The following MSI1 variants were observed in gnomAD, a reference collection of about 807,000 sequenced individuals.
MSI1 encodes the protein musashi RNA binding protein 1, also known as RNA-binding protein Musashi homolog 1.
MSI1 carries 15 observed loss-of-function variants against 54.4 expected under a neutral mutation model. The ratio of observed to expected loss-of-function variants is 0.28; its 90% CI spans 0.18 to 0.42. The LOEUF is 0.42. Ranked by LOEUF, MSI1 falls within the 20% of genes least tolerant of loss-of-function variation. MSI1 has a pLI of 1.00. For synonymous variants in MSI1, 200 were observed against 196.5 expected, an observed-to-expected ratio of 1.02 and a Z score of -0.15; for missense variants, 304 against 506.0, an observed-to-expected ratio of 0.60 and a Z score of 3.83.
chr12:120,359,047 C>T lies in MSI1; in HGVS notation c.409G>A (p.Asp137Asn), dbSNP rs1424495218. The stretch of plus-strand genomic sequence containing the variant: ...GTTTTGTCAAACATCAGCATGGCGT[C>T]GTCCACCTGAAACACAGCCCGCCAT... ...QYFEQFGKVD[D>N]AMLMFDKTTN... Residue 137 changes from aspartate to asparagine, a missense_variant, in exon 7 of 15, where the codon GAC (aspartate) becomes AAC (asparagine). Around this residue, in one of 4 missense-constraint regions of MSI1, gnomAD observed 105 missense variants for 230.1 expected, o/e 0.46. Transcript: ENST00000257552. The T allele has an allele frequency of 3.2e-6, 5 of 1,556,980 alleles. No individual in the cohort carries two copies. Among genetic ancestry groups the T allele is most frequent in the African/African-American group, 1.4e-5 (1 of 73,492 alleles).
chr12:120,362,056 C>G (rs565095065), intron 6 of MSI1, among the ~76,000 whole-genome samples: 234 of 152,164 alleles, frequency 1.5e-3, no homozygotes, highest in African/African-American at 5.1e-3. Flanking sequence ...GGCCCGGGCC[C>G]GCCCGACCTG....
Position 120,368,750 on chromosome 12 carries a change from G to T in MSI1, c.100+83C>A. 8.2e-7 allele frequency: 1 copy of T among 1,213,466 alleles called. No individual in the cohort carries two copies. Among genetic ancestry groups the T allele is most frequent in the Non-Finnish European group, 1.0e-6 (1 of 957,454 alleles). The allele number at this position is 1,213,466 out of a possible 1,614,324, so 75.2% of individuals were successfully genotyped here. ...GCGCCCGGGGTCAGCAGGGCGCAGGGCCGGGCTGGGGTGTCCGGGTCCGGG... is the reference window on the plus strand; with the variant it reads ...GCGCCCGGGGTCAGCAGGGCGCAGGTCCGGGCTGGGGTGTCCGGGTCCGGG... On this transcript the variant is annotated intron_variant, in intron 2 of 14. Transcript: ENST00000257552. This position sits in a 1 kb window ranked among gnomAD's most constrained non-coding sequence, Gnocchi z 6.6.
chr12:120,361,688 A>G (rs1875657026), intron 6 of MSI1, among the ~76,000 whole-genome samples: 1 of 148,040 alleles, frequency 6.8e-6, no homozygotes, highest in Admixed American at 6.6e-5. Context: ...GCGGCTGACC[A>G]TTGTTCCCCC....
chr12:120,339,816 T>C (rs932318139), downstream of MSI1, among the ~76,000 whole-genome samples: 15 of 151,378 alleles, frequency 9.9e-5, no homozygotes, highest in African/African-American at 3.6e-4. Flanking sequence ...TCTTGCTCTG[T>C]CACCCAGGCT....
At position 120,355,853 on chromosome 12, in the gene MSI1, GC is replaced by G. The variant is rs35639521; in HGVS notation, c.652+1048del. Among the ~76,000 whole-genome samples, 791 of 151,214 alleles carry G rather than the reference GC, an allele frequency of 5.2e-3. 2 individuals carry two copies. The highest frequency in any genetic ancestry group is 9.3e-3 in the Non-Finnish European group (631 of 67,934). On this transcript the variant is annotated intron_variant, in intron 9 of 14. Coordinates refer to ENST00000257552, the MANE Select transcript of MSI1 (RefSeq NM_002442.4). ...CGCCTCCCCGACTTCTGACCCTCTAGCCCATGCCGTGCCCCCTCCTCTGAAT... is the reference window on the plus strand; with the variant it reads ...CGCCTCCCCGACTTCTGACCCTCTAGCCATGCCGTGCCCCCTCCTCTGAAT...
In MSI1 at chr12:120,364,737, A is replaced by G; in HGVS notation, c.286T>C (p.Phe96Leu). 6.2e-7 allele frequency: 1 copy of G among 1,600,296 alleles called. No homozygotes were observed. The highest frequency in any genetic ancestry group is 8.5e-7 in the Non-Finnish European group (1 of 1,173,636). Residue 96 changes from phenylalanine (F) to leucine (L), a missense_variant, in exon 5 of 15, where the codon TTC becomes CTC. By Grantham distance (22) the Phe-to-Leu change is conservative. Transcript: ENST00000257552. The part of the protein sequence containing the change: ...DSKTIDPKVA[F>L]PRRAQPKMVT... ...ACCTTGGGCTGTGCTCGCCGAGGGA[A>G]GGCCACCTTAGGGTCAATCTACAAG...
rs112244011 is a variant in MSI1, at chr12:120,346,176, C to T, written c.1006G>A (p.Ala336Thr). ...AAGCCGGTGCTGGGGGCAGGGCTGG[C>T]GGCGCTGATGTAACTGCTGACCCCC... ...DSGVSSYISA[A>T]SPAPSTGFGH... Residue 336 changes from alanine to threonine, a missense_variant, in exon 13 of 15, where the codon GCC becomes ACC. By Grantham distance (58) the Ala-to-Thr change is moderately conservative. This residue lies in a region of MSI1 where 147 missense variants were observed against 231.5 expected (regional missense o/e 0.64). Transcript: ENST00000257552. 26 of 1,597,282 alleles carry T rather than the reference C, an allele frequency of 1.6e-5. No homozygotes were observed. The highest frequency in any genetic ancestry group is 2.3e-5 in the East Asian group (1 of 44,230).
chr12:120,358,042 C>T (rs1242653473), intron 7 of MSI1, 144 bp from the exon 8 acceptor site: 3 of 677,956 alleles, frequency 4.4e-6, no homozygotes, highest in Non-Finnish European at 5.2e-6. Context: ...CTGGAATCCT[C>T]TCAACTATCC....
At chr12:120,366,745 T>G (rs1592951451) in intron 4 of MSI1, among the ~76,000 whole-genome samples, 2 of 151,658 alleles carry the variant, frequency 1.3e-5, no homozygotes, top group Non-Finnish European at 2.9e-5. Flanking sequence ...GACAAAGCCC[T>G]GGCCCTTTTC....
intron 10 of MSI1, among the ~76,000 whole-genome samples, 179 bp from the exon 11 acceptor site, chr12:120,351,579 C>T (rs907296614): frequency 2.0e-5 from 3 of 151,858 alleles, no homozygotes; most frequent in African/African-American, 2.4e-5. Context: ...AGGAGACAGA[C>T]ACAGAGGAGA....
intron 9 of MSI1, among the ~76,000 whole-genome samples, 196 bp downstream of exon 9, chr12:120,356,705 AG>A (rs553666949): frequency 2.0e-3 from 301 of 152,326 alleles, no homozygotes; most frequent in Non-Finnish European, 3.2e-3. Flanking sequence ...CTACCACCAG[AG>A]GGCAGCACCC....
intron 11 of MSI1, among the ~76,000 whole-genome samples, chr12:120,351,080 C>T (rs1350028514): frequency 6.6e-6 from 1 of 152,082 alleles, no homozygotes; most frequent in African/African-American, 2.4e-5. Context: ...GCCTGGCACA[C>T]GAGAGGTGCT....
chr12:120,358,921 G>A, intron 7 of MSI1, 84 bp downstream of exon 7: 1 of 1,448,906 alleles, frequency 6.9e-7, no homozygotes, highest in Non-Finnish European at 9.5e-7. Context: ...ATGTCAGAAG[G>A]CGAGATGAAA....
downstream of MSI1, among the ~76,000 whole-genome samples, chr12:120,340,149 CG>C (rs1477386350): frequency 6.6e-6 from 1 of 150,978 alleles, no homozygotes; most frequent in Non-Finnish European, 1.5e-5. Context: ...TGCAGTGGCG[CG>C]ACCTTGGCTC....
chr12:120,358,879 C>T (rs1043024343), intron 7 of MSI1, 126 bp downstream of exon 7: 2 of 1,129,912 alleles, frequency 1.8e-6, no homozygotes, highest in South Asian at 1.4e-5. Context: ...TAAGGCCAGG[C>T]CTGGGAGAGG....
rs1876167392 is a variant in MSI1 at position 120,368,455 on chromosome 12, C to T, written c.101-182G>A. The stretch of plus-strand genomic sequence containing the variant: ...TTCCCGCTGAGCCTCCTGGCGCCCA[C>T]CGGGGCCCCGGGAAGCCGAGGGCCG... On this transcript the variant is annotated intron_variant, in intron 2 of 14. Transcript: ENST00000257552. The surrounding 1 kb of genome is among the most constrained non-coding windows in gnomAD (Gnocchi z 6.6). Among the ~76,000 whole-genome samples the T allele has an allele frequency of 6.6e-6, 1 of 152,036 alleles. No homozygotes were observed. The highest frequency in any genetic ancestry group is 1.5e-5 in the Non-Finnish European group (1 of 67,958).
At chr12:120,343,285 C>T (rs1873845041) in intron 14 of MSI1, among the ~76,000 whole-genome samples, 180 bp from the exon 15 acceptor site, 1 of 152,132 alleles carries the variant, frequency 6.6e-6, no homozygotes, top group Non-Finnish European at 1.5e-5. Flanking sequence ...TTCACTGCAG[C>T]CTCAACCTCC....
At chr12:120,355,637 CAT>C (rs772022397) in intron 9 of MSI1, among the ~76,000 whole-genome samples, 2 of 152,158 alleles carry the variant, frequency 1.3e-5, no homozygotes, top group Non-Finnish European at 2.9e-5. Flanking sequence ...CATATATACA[CAT>C]AGAGTAAAAC....
intron 5 of MSI1, among the ~76,000 whole-genome samples, chr12:120,364,381 T>C (rs1460207395): frequency 6.6e-6 from 1 of 152,064 alleles, no homozygotes; most frequent in East Asian, 1.9e-4. Context: ...GGCCTGGACA[T>C]CAAGGCTGTG....
Sources: allele counts gnomAD v4.1 joint callset (sites outside exome capture counted in the v4.1 genomes callset), GRCh38; gene constraint gnomAD v4.1.1; regional missense constraint gnomAD v4.1.1; non-coding constraint Gnocchi (gnomAD v3.1); transcripts MANE v1.5; gene names NCBI Gene and HGNC (gene_info 2026-07-23, HGNC 2026-07-21).